The following CRISPLD2 variants were observed in gnomAD, a reference collection of about 807,000 sequenced individuals.
CRISPLD2 encodes the protein cysteine rich secretory protein LCCL domain containing 2.
In CRISPLD2, 47 loss-of-function variants were observed where a neutral mutation model predicts 71.1. The ratio of observed to expected loss-of-function variants is 0.66; its 90% CI spans 0.52 to 0.84. CRISPLD2 has a LOEUF of 0.84. CRISPLD2 is among the 40% of genes least tolerant of loss of function. CRISPLD2 has a pLI of 0.00. For synonymous variants in CRISPLD2, 317 were observed against 250.1 expected, an observed-to-expected ratio of 1.27 and a Z score of -2.52; for missense variants, 830 against 651.1, an observed-to-expected ratio of 1.27 and a Z score of -2.99.
Position 84,860,613 on chromosome 16 carries a change from G to A in CRISPLD2, c.709+5784G>A, listed in dbSNP as rs996201342. ...CCGCAGCGTGGGTCGGGGAGGAGAC[G>A]TTGCCACTACTGGGGATGGGGAACC... On this transcript the variant is annotated intron_variant, in intron 6 of 14. Coordinates refer to ENST00000262424, the MANE Select transcript of CRISPLD2 (RefSeq NM_031476.4). 1.4e-3 allele frequency among the ~76,000 whole-genome samples: 211 copies of A among 152,278 alleles called. 4 individuals are homozygous for A. The highest frequency in any genetic ancestry group is 4.9e-3 in the African/African-American group (203 of 41,536).
intron 6 of CRISPLD2, among the ~76,000 whole-genome samples, chr16:84,866,689 G>C (rs1052846089): frequency 6.6e-6 from 1 of 152,192 alleles, no homozygotes; most frequent in South Asian, 2.1e-4. Context: ...AACACAGTGA[G>C]CGGAGAGCGT....
chr16:84,868,609 T>C (rs1396415516), intron 7 of CRISPLD2, among the ~76,000 whole-genome samples: 1 of 152,240 alleles, frequency 6.6e-6, no homozygotes, highest in East Asian at 1.9e-4. Context: ...GCATTGTCCA[T>C]ATGCGGAAAT....
intron 3 of CRISPLD2, among the ~76,000 whole-genome samples, chr16:84,846,640 C>T (rs976323525): frequency 6.6e-6 from 1 of 152,144 alleles, no homozygotes; most frequent in Non-Finnish European, 1.5e-5. Flanking sequence ...CATGGTGGGT[C>T]ATTTCTGTCT....
intron 2 of CRISPLD2, among the ~76,000 whole-genome samples, chr16:84,841,288 G>A (rs1003862958): frequency 6.6e-6 from 1 of 152,184 alleles, no homozygotes; most frequent in African/African-American, 2.4e-5. Flanking sequence ...GGTGTTCTGG[G>A]CAGAGGGAAC....
intron 5 of CRISPLD2, among the ~76,000 whole-genome samples, chr16:84,852,325 C>T (rs1917111862): frequency 7.7e-6 from 1 of 129,524 alleles, no homozygotes; most frequent in African/African-American, 2.5e-5. Context: ...TGGAGATGGA[C>T]AGTGTCTCCC....
chr16:84,855,568 G>A (rs759331004), intron 6 of CRISPLD2, among the ~76,000 whole-genome samples: 2 of 152,034 alleles, frequency 1.3e-5, no homozygotes, highest in African/African-American at 4.8e-5. Flanking sequence ...ATTACGGGTG[G>A]GTCTGCCTCT....
chr16:84,884,286 C>G (rs1219760488), intron 13 of CRISPLD2, among the ~76,000 whole-genome samples: 3 of 152,060 alleles, frequency 2.0e-5, no homozygotes, highest in Admixed American at 1.3e-4. Flanking sequence ...GTGAGCCCCC[C>G]TGCCCCTCAG....
chr16:84,877,120 G>A (rs2071526028), intron 11 of CRISPLD2, among the ~76,000 whole-genome samples: 1 of 152,198 alleles, frequency 6.6e-6, no homozygotes, highest in Non-Finnish European at 1.5e-5. Flanking sequence ...GCTGTGAGGA[G>A]CAAAGGTGAT....
At chr16:84,891,060 C>T (rs749836725) in intron 14 of CRISPLD2, among the ~76,000 whole-genome samples, 4 of 152,196 alleles carry the variant, frequency 2.6e-5, no homozygotes, top group Non-Finnish European at 4.4e-5. Flanking sequence ...AGCCACCGCA[C>T]TCGGCCGCCA....
chr16:84,904,762 A>C (rs1411934702), intron 14 of CRISPLD2, among the ~76,000 whole-genome samples: 4 of 152,162 alleles, frequency 2.6e-5, no homozygotes, highest in Non-Finnish European at 5.9e-5. Context: ...TTTACAAGTA[A>C]AACTGTGATG....
Position 84,849,403 on chromosome 16 carries a change from C to CAT in CRISPLD2, c.378_379insAT (p.His127IlefsTer10). ...CCTGCAGGTATCGCTCTCCGGGGTT[C>CAT]CATGTGCAGTCCTGGTATGACGAGG... On this transcript the variant is annotated frameshift_variant, in exon 4 of 15. Transcript: ENST00000262424. LOFTEE classifies it high-confidence loss of function. The CAT allele has an allele frequency of 6.2e-7, 1 of 1,613,896 alleles. No individual in the cohort carries two copies.
chr16:84,879,549 A>G lies in CRISPLD2; in HGVS notation c.1230-960A>G, dbSNP rs1362283635. Among the ~76,000 whole-genome samples the G allele has an allele frequency of 3.9e-5, 6 of 152,202 alleles. No homozygotes were observed. The East Asian group carries it at 7.7e-4, about 20-fold the overall frequency. On this transcript the variant is annotated intron_variant, in intron 12 of 14. Coordinates refer to ENST00000262424, the MANE Select transcript of CRISPLD2 (RefSeq NM_031476.4). ...GGCTAATTTTGTATTTTTAGTAGAG[A>G]TGGGGTTTCACCATGTTGGCCAGGC...
At chr16:84,824,743 G>A (rs1916309227) in intron 1 of CRISPLD2, among the ~76,000 whole-genome samples, 2 of 152,220 alleles carry the variant, frequency 1.3e-5, no homozygotes, top group South Asian at 2.1e-4. Context: ...GCCAGTGGGA[G>A]TGATAGAAAG....
At position 84,890,085 on chromosome 16, in the gene CRISPLD2, G is replaced by A. The variant is rs530943136; in HGVS notation, c.1439+722G>A. 1.8e-4 allele frequency among the ~76,000 whole-genome samples: 28 copies of A among 152,292 alleles called. No homozygotes were observed. In the East Asian group the frequency reaches 4.3e-3, roughly 23 times the overall value. ...CAGTAAGAAGTGGCAGTGGCTGGGCGTGGTGGCTCACGCCTGTAATCCCAG... is the reference window on the plus strand; with the variant it reads ...CAGTAAGAAGTGGCAGTGGCTGGGCATGGTGGCTCACGCCTGTAATCCCAG... On this transcript the variant is annotated intron_variant, in intron 14 of 14. Transcript: ENST00000262424.
intron 14 of CRISPLD2, among the ~76,000 whole-genome samples, chr16:84,898,526 T>C (rs2071726179): frequency 6.6e-6 from 1 of 152,194 alleles, no homozygotes; most frequent in African/African-American, 2.4e-5. Flanking sequence ...TAGACTGAAA[T>C]GGCCCCTCCC....
chr16:84,891,909 C>T (rs1000669284), intron 14 of CRISPLD2, among the ~76,000 whole-genome samples: 1 of 152,230 alleles, frequency 6.6e-6, no homozygotes, highest in Non-Finnish European at 1.5e-5. Flanking sequence ...TAGGTGTCTT[C>T]CAGGCATCCC....
intron 5 of CRISPLD2, among the ~76,000 whole-genome samples, chr16:84,851,543 G>A (rs1407205855): frequency 1.3e-5 from 2 of 152,244 alleles, no homozygotes; most frequent in Non-Finnish European, 2.9e-5. Context: ...GAAAAGGTGG[G>A]ATGAAGGGGG....
In CRISPLD2 at chr16:84,873,307, G is replaced by A. The variant is rs889292394; in HGVS notation, c.1112+185G>A. On this transcript the variant is annotated intron_variant, in intron 10 of 14. Coordinates refer to ENST00000262424, the MANE Select transcript of CRISPLD2 (RefSeq NM_031476.4). ...AGCCTGACCAACATGGTGAAAGTCC[G>A]TCTCTACTAAAAATACAAAAGTTAG... The A allele has an allele frequency of 4.8e-5, 25 of 520,152 alleles. No homozygotes were observed. The East Asian group carries it at 6.1e-4, about 13-fold the overall frequency. The allele number at this position is 520,152 out of a possible 1,614,324, so 32.2% of individuals were successfully genotyped here.
intron 5 of CRISPLD2, among the ~76,000 whole-genome samples, chr16:84,851,388 A>C (rs1465057272): frequency 6.6e-6 from 1 of 152,162 alleles, no homozygotes; most frequent in East Asian, 1.9e-4. Context: ...CCCCCAGTTC[A>C]TGGCCTGAGG....
Sources: allele counts gnomAD v4.1 joint callset (sites outside exome capture counted in the v4.1 genomes callset), GRCh38; gene constraint gnomAD v4.1.1; transcripts MANE v1.5; gene names NCBI Gene and HGNC (gene_info 2026-07-23, HGNC 2026-07-21).